CPNE1: variants seen among roughly 807,000 people sequenced by gnomAD.
CPNE1 encodes copine 1.
CPNE1 carries 58 observed loss-of-function variants against 63.2 expected under a neutral mutation model. The observed-to-expected ratio is 0.92, with a 90% CI of 0.74 to 1.14. The LOEUF (loss-of-function observed/expected upper bound fraction) is 1.14, where lower values mean the gene tolerates loss of function less well. Ranked by LOEUF, CPNE1 falls within the 50% of genes most tolerant of loss-of-function variation. The pLI is 0.00. For missense variants in CPNE1, 672 were observed against 661.7 expected (o/e 1.02, Z -0.17); for synonymous variants, 237 against 249.0 (o/e 0.95, Z 0.45).
At chr20:35,658,802 A>ACACAC (rs2034058571) in intron 1 of CPNE1, 39 of 473,574 alleles carry the variant, frequency 8.2e-5, no homozygotes, top group African/African-American at 5.7e-4. Flanking sequence ...AGCAAACAAA[A>ACACAC]ACACACACAC....
At chr20:35,644,013 TC>T (rs1228733415) in intron 1 of CPNE1, among the ~76,000 whole-genome samples, 1 of 152,148 alleles carries the variant, frequency 6.6e-6, no homozygotes, top group African/African-American at 2.4e-5. Flanking sequence ...ATCTTTGTTT[TC>T]CCCTTACTAT....
chr20:35,661,812 C>G (rs1308191544), intron 1 of CPNE1, among the ~76,000 whole-genome samples: 1 of 152,146 alleles, frequency 6.6e-6, no homozygotes, highest in African/African-American at 2.4e-5. Context: ...TAGTAAACAT[C>G]CAAAAGTGAA....
Position 35,626,168 on chromosome 20 carries a change from G to C in CPNE1, c.*73C>G. The stretch of plus-strand genomic sequence containing the variant: ...AAAGTGCTAGCACTGAGGAGAGTGA[G>C]AAGGGTTGGGTTGTGGCCCAGAGGG... On this transcript the variant is annotated 3_prime_UTR_variant, in exon 16 of 16. Coordinates refer to ENST00000397443, the MANE Select transcript of CPNE1 (RefSeq NM_152925.3). 6.8e-7 allele frequency: 1 copy of C among 1,468,526 alleles called. No homozygotes were observed. Among genetic ancestry groups the C allele is most frequent in the Admixed American group, 1.7e-5 (1 of 59,710 alleles). 91.0% of individuals were successfully genotyped at this position (1,468,526 alleles called of 1,614,324 possible). A position where few individuals can be genotyped will look rare whatever the true frequency, so the allele number is the denominator to read the frequency against.
At chr20:35,654,105 C>T in intron 1 of CPNE1, 1 of 1,614,186 alleles carries the variant, frequency 6.2e-7, no homozygotes, top group South Asian at 1.1e-5. Context: ...TGGGAAGTGT[C>T]TGAGGAGGGG....
chr20:35,631,149 C>A lies in CPNE1; in HGVS notation c.826G>T (p.Asp276Tyr), dbSNP rs780124069. The A allele has an allele frequency of 3.1e-6, 5 of 1,614,086 alleles. No homozygotes were observed. Among genetic ancestry groups the A allele is most frequent in the Non-Finnish European group, 4.2e-6 (5 of 1,180,018 alleles). The change falls in exon 10 of 16, where the codon GAC becomes TAC. Residue 276 changes from aspartate (D) to tyrosine (Y), a missense_variant. Asp to Tyr is a radical substitution (Grantham distance 160, BLOSUM62 -3). Transcript: ENST00000397443. The stretch of plus-strand genomic sequence containing the variant: ...ATCTGACAGCCTCCCATCACATAGT[C>A]CAGAAAGGAGTACTCTGTTTCTACC... The part of the protein sequence containing the change: ...CRVETEYSFL[D>Y]YVMGGCQINF...
At chr20:35,645,376 T>G (rs2033044569) in intron 1 of CPNE1, among the ~76,000 whole-genome samples, 1 of 152,208 alleles carries the variant, frequency 6.6e-6, no homozygotes, top group Non-Finnish European at 1.5e-5. Flanking sequence ...TAGTTTACAC[T>G]TGTTCCTGTC....
intron 1 of CPNE1, chr20:35,658,818 C>CACAT: frequency 1.8e-6 from 1 of 566,304 alleles, no homozygotes; most frequent in South Asian, 1.9e-5. Context: ...CACACACACA[C>CACAT]ACACACACAC....
intron 1 of CPNE1, among the ~76,000 whole-genome samples, chr20:35,641,838 G>T (rs529500996): frequency 6.6e-6 from 1 of 152,204 alleles, no homozygotes; most frequent in Non-Finnish European, 1.5e-5. Context: ...CTGCCACACA[G>T]CATATACCTG....
Position 35,632,037 on chromosome 20 carries a change from A to T in CPNE1, c.457-12T>A. ...TTTCCCAGGAAGTCCTGCCAATGCG[A>T]GACCCCAGTTACAAGACTCAGGAAC... On this transcript the variant is annotated splice_polypyrimidine_tract_variant and intron_variant, in intron 5 of 15. Transcript: ENST00000397443. 2.5e-6 allele frequency: 4 copies of T among 1,613,806 alleles called. No homozygotes were observed. Among genetic ancestry groups the T allele is most frequent in the Non-Finnish European group, 3.4e-6 (4 of 1,179,764 alleles).
At chr20:35,660,064 C>A (rs2034143436) in intron 1 of CPNE1, among the ~76,000 whole-genome samples, 1 of 152,202 alleles carries the variant, frequency 6.6e-6, no homozygotes, top group Non-Finnish European at 1.5e-5. Context: ...ACAAACTATT[C>A]ATCGTCTAGT....
At chr20:35,633,295 T>G (rs2146290169) in intron 1 of CPNE1, among the ~76,000 whole-genome samples, 1 of 152,322 alleles carries the variant, frequency 6.6e-6, no homozygotes. Flanking sequence ...TCTGACCCCC[T>G]TACTGGCCCC....
intron 1 of CPNE1, chr20:35,653,854 C>A (rs762540593): frequency 2.5e-6 from 4 of 1,613,888 alleles, no homozygotes; most frequent in Non-Finnish European, 3.4e-6. Flanking sequence ...CTGTTTATGA[C>A]GACACAGAGC....
chr20:35,633,779 C>T (rs1227292944), intron 1 of CPNE1, among the ~76,000 whole-genome samples: 1 of 151,256 alleles, frequency 6.6e-6, no homozygotes, highest in Non-Finnish European at 1.5e-5. Context: ...ATGGTGAAAC[C>T]CCGTCTCTAC....
intron 7 of CPNE1, 27 bp from the exon 8 acceptor site, chr20:35,631,605 A>AAC (rs2032146956): frequency 6.2e-7 from 1 of 1,610,732 alleles, no homozygotes; most frequent in Admixed American, 1.7e-5. Flanking sequence ...TGTGGACATA[A>AAC]ACAAGCCAGG....
intron 1 of CPNE1, among the ~76,000 whole-genome samples, chr20:35,639,345 A>AT (rs937151043): frequency 1.6e-4 from 24 of 149,524 alleles, no homozygotes; most frequent in East Asian, 5.9e-4. Context: ...GGAAACTATT[A>AT]TTTTTTTTTT....
At chr20:35,631,058 C>G (rs766873295) in intron 10 of CPNE1, 24 bp from the exon 11 acceptor site, 6 of 1,614,170 alleles carry the variant, frequency 3.7e-6, no homozygotes, top group Non-Finnish European at 5.1e-6. Flanking sequence ...AGGAAGGCAG[C>G]TAAAGGCCAC....
chr20:35,657,525 CA>C (rs1442446953), intron 1 of CPNE1, among the ~76,000 whole-genome samples: 1 of 152,008 alleles, frequency 6.6e-6, no homozygotes. Context: ...GATATAGTCC[CA>C]AGAACACAAA....
At chr20:35,664,270 T>G (rs1281965391) in intron 1 of CPNE1, 1 of 152,306 alleles carries the variant, frequency 6.6e-6, no homozygotes, top group Non-Finnish European at 1.5e-5. Flanking sequence ...CCCACAGGTG[T>G]GACCTGGGTC....
At chr20:35,655,407 A>C in intron 1 of CPNE1, 1 of 1,369,978 alleles carries the variant, frequency 7.3e-7, no homozygotes, top group Non-Finnish European at 9.8e-7. Flanking sequence ...GTTTTTAGCT[A>C]CAAGAATGAC....
Sources: gnomAD v4.1 joint callset for allele counts (sites outside exome capture counted in the v4.1 genomes callset) on GRCh38, gnomAD v4.1.1 for gene constraint, MANE v1.5 for transcripts, NCBI Gene and HGNC (gene_info 2026-07-23, HGNC 2026-07-21) for gene names.